Variants in ZNF799 observed in about 807,000 individuals in gnomAD.
The protein encoded by ZNF799 is zinc finger protein 799.
A neutral mutation model predicts 41.0 loss-of-function variants in ZNF799; 28 were observed. The observed-to-expected ratio is 0.68, with a 90% confidence interval of 0.51 to 0.94. The LOEUF is 0.94. ZNF799 is among the 40% of genes least tolerant of loss of function. The probability of loss-of-function intolerance (pLI) is 0.00; values close to 1 mark genes in which losing one functional copy is unlikely to be tolerated. For synonymous variants in ZNF799, 213 were observed against 252.9 expected (o/e 0.84, Z 1.50); for missense variants, 716 against 764.3 (o/e 0.94, Z 0.74).
chr19:12,407,428 A>G, the ZNF799 span, among the ~76,000 whole-genome samples: 1 of 151,444 alleles, frequency 6.6e-6, no homozygotes, highest in Non-Finnish European at 1.5e-5. Context: ...CTGTCACTGC[A>G]CTCCAGCCTG....
chr19:12,400,095 A>C (rs2144907537), intron 1 of ZNF799, among the ~76,000 whole-genome samples: 1 of 152,306 alleles, frequency 6.6e-6, no homozygotes, highest in East Asian at 1.9e-4. Flanking sequence ...AGTCTCTGGA[A>C]ACCAAGAGAT....
At chr19:12,401,636 G>C (rs1969989956), upstream of ZNF799, among the ~76,000 whole-genome samples, 1 of 141,956 alleles carries the variant, frequency 7.0e-6, no homozygotes, top group African/African-American at 2.6e-5. Flanking sequence ...AGAGTGCAAT[G>C]GTGCGAGGCT....
At chr19:12,410,639 G>T in the ZNF799 span, among the ~76,000 whole-genome samples, 1,162 of 151,792 alleles carry the variant, frequency 7.7e-3, 13 homozygotes, top group African/African-American at 0.027. Flanking sequence ...TTGCAAACAA[G>T]ATATCAATTA....
chr19:12,396,993 A>G (rs879815728), intron 1 of ZNF799, among the ~76,000 whole-genome samples: 9 of 152,348 alleles, frequency 5.9e-5, no homozygotes, highest in Admixed American at 5.2e-4. Context: ...AAATAATTCA[A>G]TGAAGGCACA....
chr19:12,410,483 A>G, the ZNF799 span, among the ~76,000 whole-genome samples: 2 of 151,874 alleles, frequency 1.3e-5, no homozygotes, highest in Non-Finnish European at 2.9e-5. Context: ...AGGGAAATTC[A>G]AAGAATTGAA....
rs551977407 is a variant in ZNF799, at chr19:12,391,328, C to A, written c.1070G>T (p.Arg357Ile). Residue 357 changes from arginine to isoleucine, a missense_variant, in exon 4 of 4, where the codon AGA becomes ATA. Physicochemically the swap from Arg to Ile is moderately conservative, Grantham distance 97 (BLOSUM62 -3). Around this residue, in one of 2 missense-constraint regions of ZNF799, gnomAD observed 698 missense variants for 713.6 expected, o/e 0.98. Coordinates refer to ENST00000430385, the MANE Select transcript of ZNF799 (RefSeq NM_001080821.3). ...ATAGAGTTTCTCTCCAGTGTGAGTT[C>A]TTTCATGACTTTTCAGTGAACTAGG... The part of the protein sequence containing the change: ...DCPSSLKSHE[R>I]THTGEKLYEC... 3 of 1,614,122 alleles carry A rather than the reference C, an allele frequency of 1.9e-6. No homozygotes were observed. The South Asian group carries it at 3.3e-5, about 18-fold the overall frequency.
At chr19:12,404,328 T>C (rs555814404), upstream of ZNF799, among the ~76,000 whole-genome samples, 2 of 152,356 alleles carry the variant, frequency 1.3e-5, no homozygotes, top group Admixed American at 1.3e-4. Context: ...TCAGTATATA[T>C]TGAGATAATC....
chr19:12,402,055 C>G (rs1451156408), upstream of ZNF799, among the ~76,000 whole-genome samples: 5 of 152,240 alleles, frequency 3.3e-5, no homozygotes, highest in African/African-American at 9.6e-5. Context: ...ACTACTTTTC[C>G]CAGCCTGTGG....
At chr19:12,401,026 C>CGGGCT in intron 1 of ZNF799, 42 bp downstream of exon 1, 1 of 1,613,916 alleles carries the variant, frequency 6.2e-7, no homozygotes, top group Non-Finnish European at 8.5e-7. Context: ...AGGTTCCACC[C>CGGGCT]AGCCCCTCCC....
rs1160190761 is a variant in ZNF799, at chr19:12,391,578, T to A, written c.820A>T (p.Thr274Ser). The A allele has an allele frequency of 6.2e-7, 1 of 1,613,772 alleles. No individual in the cohort carries two copies. Among genetic ancestry groups the A allele is most frequent in the East Asian group, 2.2e-5 (1 of 44,850 alleles). ...DYSSCLRHERTHTGKKPYTCK... is the reference protein window; with the variant it reads ...DYSSCLRHERSHTGKKPYTCK... ...GTATAGGGTTTCTTTCCAGTGTGAG[T>A]TCTTTCATGTCTTAGACAAGAACTG... Residue 274 changes from threonine (T) to serine (S), a missense_variant, in exon 4 of 4, where the codon ACT (threonine) becomes TCT (serine). By Grantham distance (58) the Thr-to-Ser change is moderately conservative. This residue lies in a region of ZNF799 where 698 missense variants were observed against 713.6 expected (regional missense o/e 0.98). Coordinates refer to ENST00000430385, the MANE Select transcript of ZNF799 (RefSeq NM_001080821.3).
the ZNF799 span, among the ~76,000 whole-genome samples, chr19:12,410,131 G>A: frequency 1.3e-5 from 2 of 151,792 alleles, no homozygotes; most frequent in Non-Finnish European, 2.9e-5. Flanking sequence ...CTGGGCAACA[G>A]AGTGAGACTG....
intron 1 of ZNF799, among the ~76,000 whole-genome samples, chr19:12,400,170 C>T (rs541518112): frequency 6.6e-6 from 1 of 152,214 alleles, no homozygotes; most frequent in South Asian, 2.1e-4. Flanking sequence ...ACCCTGCTAA[C>T]CACATCTTTG....
Position 12,392,155 on chromosome 19 carries a change from T to C in ZNF799, c.243A>G (p.Gly81=), listed in dbSNP as rs755100235. The C allele has an allele frequency of 6.2e-7, 1 of 1,605,474 alleles. No homozygotes were observed. The highest frequency in any genetic ancestry group is 1.1e-5 in the South Asian group (1 of 89,740). ...TATCTTGAATCTGGCTAGATGTTTC[T>C]CCACATTGAGTTCCATCTTTACTTT... is the stretch of plus-strand genomic sequence containing the variant. ...FVESKDGTQC[G]ETSSQIQDSI... The change falls in exon 4 of 4, where the codon GGA becomes GGG. Residue 81 remains glycine (G), a synonymous_variant. Transcript: ENST00000430385.
chr19:12,391,474 G>A lies in ZNF799; in HGVS notation c.924C>T (p.Pro308=), dbSNP rs1969816405. 6.2e-7 allele frequency: 1 copy of A among 1,613,862 alleles called. No individual in the cohort carries two copies. Among genetic ancestry groups the A allele is most frequent in the African/African-American group, 1.3e-5 (1 of 74,868 alleles). Residue 308 remains proline (P), a synonymous_variant, in exon 4 of 4, where the codon CCC becomes CCT. Transcript: ENST00000430385. ...CTTTCCCACATTGCTGACATGCATA[G>A]GGTTTCTCATCAGTGTGAGTTGTTT... ...RHETTHTDEK[P]YACQQCGKAF...
chr19:12,403,554 CT>C (rs779716536), upstream of ZNF799, among the ~76,000 whole-genome samples: 4,939 of 144,094 alleles, frequency 0.034, 265 homozygotes, highest in African/African-American at 0.11. Context: ...TCTTCTTCTT[CT>C]TTTTTTTTTT....
chr19:12,401,854 G>T (rs1969994268), upstream of ZNF799, among the ~76,000 whole-genome samples: 1 of 152,062 alleles, frequency 6.6e-6, no homozygotes, highest in South Asian at 2.1e-4. Flanking sequence ...GATTAGAGAC[G>T]TGAGCCATCG....
chr19:12,410,254 CATATATATATAT>C, the ZNF799 span, among the ~76,000 whole-genome samples: 219 of 61,984 alleles, frequency 3.5e-3, no homozygotes, highest in African/African-American at 9.4e-3. Flanking sequence ...TGTCTGTGTG[CATATATATATAT>C]ATATATATAT....
intron 1 of ZNF799, among the ~76,000 whole-genome samples, chr19:12,395,862 G>T (rs988650078): frequency 6.6e-6 from 1 of 152,254 alleles, no homozygotes; most frequent in Non-Finnish European, 1.5e-5. Flanking sequence ...GACTGGAAGA[G>T]GTCAGGCTTT....
chr19:12,400,562 A>C (rs996509581), intron 1 of ZNF799: 12 of 181,518 alleles, frequency 6.6e-5, no homozygotes, highest in African/African-American at 1.9e-4. Flanking sequence ...TTGAAGTCCC[A>C]ACGAGGGAGC....
Sources: gnomAD v4.1 joint callset for allele counts (sites outside exome capture counted in the v4.1 genomes callset) on GRCh38, gnomAD v4.1.1 for gene constraint, gnomAD v4.1.1 regional missense constraint, MANE v1.5 for transcripts, NCBI Gene and HGNC (gene_info 2026-07-23, HGNC 2026-07-21) for gene names.